Variants in NECAB1 observed in about 807,000 individuals in gnomAD.
NECAB1 encodes N-terminal EF-hand calcium binding protein 1.
NECAB1 carries 29 observed loss-of-function variants against 57.5 expected under a neutral mutation model. That is an observed-to-expected ratio of 0.50 (90% CI 0.38 to 0.69). The LOEUF (loss-of-function observed/expected upper bound fraction) is 0.69. Ranked by LOEUF, NECAB1 falls within the 30% of genes least tolerant of loss-of-function variation. The pLI, the probability that NECAB1 is intolerant of heterozygous loss-of-function variation, is 0.00. For missense variants in NECAB1, 372 were observed against 413.8 expected (o/e 0.90, Z 0.88); for synonymous variants, 142 against 147.7 (o/e 0.96, Z 0.28).
At chr8:90,841,116 C>A (rs1252283402) in intron 3 of NECAB1, among the ~76,000 whole-genome samples, 2 of 151,732 alleles carry the variant, frequency 1.3e-5, no homozygotes, top group African/African-American at 2.4e-5. Context: ...AAAAATTAGC[C>A]GGGCATGGTG....
intron 6 of NECAB1, among the ~76,000 whole-genome samples, chr8:90,918,337 T>G (rs1810027901): frequency 6.6e-6 from 1 of 151,658 alleles, no homozygotes; most frequent in Non-Finnish European, 1.5e-5. Context: ...AATTGAAAAT[T>G]TAGTAGATGG....
intron 7 of NECAB1, among the ~76,000 whole-genome samples, chr8:90,927,910 C>G (rs1297581784): frequency 6.6e-6 from 1 of 151,828 alleles, no homozygotes; most frequent in African/African-American, 2.4e-5. Context: ...TTGATTGATG[C>G]TTTCCTGTTT....
intron 3 of NECAB1, among the ~76,000 whole-genome samples, chr8:90,861,526 GGTTAAGA>G (rs2129811220): frequency 6.6e-6 from 1 of 152,234 alleles, no homozygotes; most frequent in South Asian, 2.1e-4. Context: ...AATTCCATAT[GGTTAAGA>G]GTAAAGGAAA....
intron 10 of NECAB1, among the ~76,000 whole-genome samples, chr8:90,945,591 T>TCTTCA (rs1287936857): frequency 6.6e-6 from 1 of 152,234 alleles, no homozygotes; most frequent in Admixed American, 6.5e-5. Flanking sequence ...CCATGTCTTT[T>TCTTCA]CTTCACTGGT....
chr8:90,838,463 AG>A (rs1301427285), intron 3 of NECAB1, among the ~76,000 whole-genome samples: 1 of 152,250 alleles, frequency 6.6e-6, no homozygotes, highest in African/African-American at 2.4e-5. Context: ...TCAGGGTTGC[AG>A]GTGGCCAGAG....
At chr8:90,932,093 C>G (rs1017639722) in intron 8 of NECAB1, among the ~76,000 whole-genome samples, 2 of 152,214 alleles carry the variant, frequency 1.3e-5, no homozygotes, top group African/African-American at 4.8e-5. Flanking sequence ...ACTCATACAA[C>G]TTATTTTAAG....
chr8:90,945,269 T>C (rs1810776401), intron 10 of NECAB1, among the ~76,000 whole-genome samples: 1 of 152,180 alleles, frequency 6.6e-6, no homozygotes, highest in Non-Finnish European at 1.5e-5. Flanking sequence ...GGTTTCACCC[T>C]GTTGCCCAGG....
chr8:90,826,111 A>G (rs1371806252), intron 3 of NECAB1, among the ~76,000 whole-genome samples: 1 of 151,842 alleles, frequency 6.6e-6, no homozygotes, highest in Non-Finnish European at 1.5e-5. Context: ...CCTTAGGTAA[A>G]GAAAGGGGTG....
At chr8:90,918,171 A>G (rs1428234371) in intron 6 of NECAB1, among the ~76,000 whole-genome samples, 7 of 150,806 alleles carry the variant, frequency 4.6e-5, no homozygotes. Flanking sequence ...CACCACGTCC[A>G]GCTAATTTAT....
At chr8:90,919,393 T>A (rs1329481729) in intron 6 of NECAB1, among the ~76,000 whole-genome samples, 3 of 152,172 alleles carry the variant, frequency 2.0e-5, no homozygotes, top group African/African-American at 7.2e-5. Context: ...CTGAACAAAT[T>A]AACTGATACA....
chr8:90,933,216 T>C (rs374041719), intron 8 of NECAB1, among the ~76,000 whole-genome samples: 4 of 152,088 alleles, frequency 2.6e-5, no homozygotes, highest in African/African-American at 9.7e-5. Context: ...ATCCAGCAAT[T>C]CCACTACTGG....
chr8:90,827,585 T>C (rs1017928468), intron 3 of NECAB1, among the ~76,000 whole-genome samples: 37 of 152,026 alleles, frequency 2.4e-4, no homozygotes, highest in Admixed American at 2.2e-3. Flanking sequence ...ATTCAAGTCT[T>C]TTTGCTACAA....
intron 4 of NECAB1, among the ~76,000 whole-genome samples, chr8:90,876,268 A>T (rs1808724924): frequency 6.6e-6 from 1 of 152,028 alleles, no homozygotes; most frequent in Admixed American, 6.5e-5. Flanking sequence ...GTCACTGATG[A>T]TTGAGATGTA....
chr8:90,845,803 A>G (rs1327659299), intron 3 of NECAB1, among the ~76,000 whole-genome samples: 3 of 152,342 alleles, frequency 2.0e-5, no homozygotes, highest in South Asian at 2.1e-4. Flanking sequence ...GTCAGGTAAA[A>G]ATTATAGAAA....
At chr8:90,855,114 G>T (rs1812769690) in intron 3 of NECAB1, among the ~76,000 whole-genome samples, 1 of 152,110 alleles carries the variant, frequency 6.6e-6, no homozygotes. Context: ...TGTATCTTGG[G>T]CAGAAGCAGT....
At chr8:90,829,442 G>A (rs545902176) in intron 3 of NECAB1, among the ~76,000 whole-genome samples, 2 of 152,176 alleles carry the variant, frequency 1.3e-5, no homozygotes, top group East Asian at 3.9e-4. Flanking sequence ...ATCCCCTGGA[G>A]ACCAAAACCA....
chr8:90,804,591 C>A (rs889766809), intron 2 of NECAB1, among the ~76,000 whole-genome samples: 1 of 151,678 alleles, frequency 6.6e-6, no homozygotes, highest in Non-Finnish European at 1.5e-5. Flanking sequence ...ACATTGTATT[C>A]AAAAATCATA....
At chr8:90,920,325 A>C (rs964176764) in intron 6 of NECAB1, among the ~76,000 whole-genome samples, 1 of 152,176 alleles carries the variant, frequency 6.6e-6, no homozygotes, top group African/African-American at 2.4e-5. Flanking sequence ...TATCTGATGA[A>C]CCAGACTGAA....
chr8:90,898,672 T>A (rs1256079768), intron 5 of NECAB1, among the ~76,000 whole-genome samples: 1 of 152,210 alleles, frequency 6.6e-6, no homozygotes, highest in East Asian at 1.9e-4. Context: ...TAATTCAGTG[T>A]TTATTGAGAA....
Sources: gnomAD v4.1 joint callset for allele counts (sites outside exome capture counted in the v4.1 genomes callset) on GRCh38, gnomAD v4.1.1 for gene constraint, MANE v1.5 for transcripts, NCBI Gene and HGNC (gene_info 2026-07-23, HGNC 2026-07-21) for gene names.